ZNF804B: variants seen among roughly 807,000 people sequenced by gnomAD.
ZNF804B encodes zinc finger protein 804B, also known as zinc finger 804B.
ZNF804B carries 80 observed loss-of-function variants against 101.4 expected under a neutral mutation model. That is an observed-to-expected ratio of 0.79 (90% CI 0.66 to 0.95). ZNF804B has a LOEUF of 0.95. ZNF804B is among the 40% of genes least tolerant of loss of function. ZNF804B has a pLI of 0.00. For synonymous variants in ZNF804B, 622 were observed against 558.8 expected, an observed-to-expected ratio of 1.11 and a Z score of -1.59; for missense variants, 1,673 against 1,561.9, an observed-to-expected ratio of 1.07 and a Z score of -1.20.
intron 1 of ZNF804B, among the ~76,000 whole-genome samples, chr7:89,028,795 G>T (rs1039746882): frequency 6.6e-6 from 1 of 152,058 alleles, no homozygotes; most frequent in Non-Finnish European, 1.5e-5. Context: ...ATTTCATAGG[G>T]TTGTTTTGTG....
At position 89,334,525 on chromosome 7, in the gene ZNF804B, C is replaced by T. The variant is rs759187242; in HGVS notation, c.1543C>T (p.Gln515Ter). ...PLELKTKRES[Q>*]VSGLTEDQQK... is the part of the protein sequence containing the mutation. ...GGAATTGAAGACTAAAAGAGAGAGCCAAGTCTCAGGTTTAACTGAAGACCA... is the reference window on the plus strand; with the variant it reads ...GGAATTGAAGACTAAAAGAGAGAGCTAAGTCTCAGGTTTAACTGAAGACCA... Residue 515 changes from glutamine to a stop codon, truncating the protein, a stop_gained, in exon 4 of 4, where the codon CAA becomes TAA. Transcript: ENST00000333190. LOFTEE classifies it high-confidence loss of function. 2 of 1,613,564 alleles carry T rather than the reference C, an allele frequency of 1.2e-6. No individual in the cohort carries two copies. The highest frequency in any genetic ancestry group is 1.1e-5 in the South Asian group (1 of 91,062).
rs118060353 is a variant in ZNF804B at position 89,072,832 on chromosome 7, C to G, written c.109-145323C>G. ...AAATAAGGCTACTGCTTGGGAATTG[C>G]AAATGTGAGCTCATTTTATTTTATC... On this transcript the variant is annotated intron_variant, in intron 1 of 3. Transcript: ENST00000333190. 6.3e-3 allele frequency among the ~76,000 whole-genome samples: 957 copies of G among 152,106 alleles called. 6 individuals carry two copies. The highest frequency in any genetic ancestry group is 8.0e-3 in the Non-Finnish European group (543 of 67,970).
chr7:89,045,744 T>G (rs1189681525), intron 1 of ZNF804B, among the ~76,000 whole-genome samples: 2 of 152,210 alleles, frequency 1.3e-5, no homozygotes, highest in Non-Finnish European at 2.9e-5. Flanking sequence ...CCCCAATGTA[T>G]CTAGGAAGTA....
intron 1 of ZNF804B, among the ~76,000 whole-genome samples, chr7:88,889,845 T>C (rs1022610697): frequency 1.3e-5 from 2 of 152,196 alleles, no homozygotes; most frequent in African/African-American, 2.4e-5. Flanking sequence ...ATAAATTCTT[T>C]CCCAGGGCCA....
At position 89,004,055 on chromosome 7, in the gene ZNF804B, CAA is replaced by C. The variant is rs5885649; in HGVS notation, c.109-214083_109-214082del. On this transcript the variant is annotated intron_variant, in intron 1 of 3. Coordinates refer to ENST00000333190, the MANE Select transcript of ZNF804B (RefSeq NM_181646.5). ...ATGTGAAAATGTGATCCTGAATGAG[CAA>C]AAAAAAAAAAAAAAAAGGGAAATTA... is the stretch of plus-strand genomic sequence containing the variant. Among the ~76,000 whole-genome samples the C allele has an allele frequency of 5.1e-3, 572 of 112,132 alleles. 3 individuals carry two copies. Among genetic ancestry groups the C allele is most frequent in the South Asian group, 8.6e-3 (30 of 3,474 alleles). The allele number at this position is 112,132 out of a possible 152,430, so 73.6% of individuals were successfully genotyped here. A position where few individuals can be genotyped will look rare whatever the true frequency, so the allele number is the denominator to read the frequency against.
chr7:88,900,596 A>C (rs763386292), intron 1 of ZNF804B, among the ~76,000 whole-genome samples: 1 of 148,702 alleles, frequency 6.7e-6, no homozygotes, highest in Non-Finnish European at 1.5e-5. Context: ...ATATTGGGGA[A>C]AAGAGAAAAA....
intron 1 of ZNF804B, among the ~76,000 whole-genome samples, chr7:89,115,085 C>T (rs1328353628): frequency 2.6e-5 from 4 of 151,928 alleles, no homozygotes; most frequent in Admixed American, 2.6e-4. Context: ...GCCCTAACTC[C>T]CTTAAAATGC....
intron 1 of ZNF804B, among the ~76,000 whole-genome samples, chr7:89,008,740 ACTCAGAGCACTG>A (rs1788408593): frequency 6.6e-6 from 1 of 151,892 alleles, no homozygotes; most frequent in Non-Finnish European, 1.5e-5. Context: ...CCCATCTTTC[ACTCAGAGCACTG>A]CTCATAGAAT....
chr7:89,266,843 C>G (rs1392739188), intron 2 of ZNF804B, among the ~76,000 whole-genome samples: 1 of 141,200 alleles, frequency 7.1e-6, no homozygotes, highest in African/African-American at 2.8e-5. Context: ...GAAATGGCTC[C>G]AAAAACTTAG....
chr7:89,004,900 TC>T (rs917293418), intron 1 of ZNF804B, among the ~76,000 whole-genome samples: 1 of 151,980 alleles, frequency 6.6e-6, no homozygotes, highest in Non-Finnish European at 1.5e-5. Flanking sequence ...CTCTGTGTAA[TC>T]ATTAATTCTT....
intron 2 of ZNF804B, among the ~76,000 whole-genome samples, chr7:89,278,053 A>G (rs1486903776): frequency 3.9e-5 from 6 of 152,130 alleles, no homozygotes; most frequent in African/African-American, 9.7e-5. Flanking sequence ...TAACTGGTGT[A>G]AGATGATATC....
At chr7:89,319,979 C>T (rs1450509905) in intron 2 of ZNF804B, among the ~76,000 whole-genome samples, 1 of 147,662 alleles carries the variant, frequency 6.8e-6, no homozygotes, top group Non-Finnish European at 1.5e-5. Context: ...AATTATTTGG[C>T]ACATATAAGT....
intron 1 of ZNF804B, among the ~76,000 whole-genome samples, chr7:89,119,992 A>G (rs1341902948): frequency 2.6e-5 from 4 of 151,716 alleles, no homozygotes; most frequent in African/African-American, 4.9e-5. Flanking sequence ...TGGAGCAGAC[A>G]TAGAGTTACT....
At chr7:88,830,890 A>G (rs73200636) in intron 1 of ZNF804B, among the ~76,000 whole-genome samples, 20,743 of 151,830 alleles carry the variant, frequency 0.14, 1,481 homozygotes, top group African/African-American at 0.19. Flanking sequence ...TTGTTCATGT[A>G]TTTGCCCACT....
At chr7:88,835,037 A>G (rs1284552783) in intron 1 of ZNF804B, among the ~76,000 whole-genome samples, 1 of 151,796 alleles carries the variant, frequency 6.6e-6, no homozygotes, top group Non-Finnish European at 1.5e-5. Flanking sequence ...TACGAACGGA[A>G]CTGTAGTACT....
intron 1 of ZNF804B, among the ~76,000 whole-genome samples, chr7:88,834,339 G>A (rs1012777746): frequency 6.6e-6 from 1 of 151,716 alleles, no homozygotes; most frequent in Non-Finnish European, 1.5e-5. Context: ...TAAAAACCTA[G>A]TATTATGTAT....
chr7:88,864,136 C>T (rs1471500921), intron 1 of ZNF804B, among the ~76,000 whole-genome samples: 1 of 152,140 alleles, frequency 6.6e-6, no homozygotes, highest in Admixed American at 6.5e-5. Context: ...TTTTTCTTAA[C>T]ATGTGGAACA....
chr7:89,130,002 C>T (rs1790523464), intron 1 of ZNF804B, among the ~76,000 whole-genome samples: 2 of 151,952 alleles, frequency 1.3e-5, no homozygotes, highest in African/African-American at 4.8e-5. Context: ...GTGTAGACTT[C>T]TCCTTCACCT....
intron 1 of ZNF804B, among the ~76,000 whole-genome samples, chr7:88,976,432 A>G (rs28778996): frequency 0.14 from 20,709 of 151,304 alleles, 1,816 homozygotes; most frequent in East Asian, 0.29. Flanking sequence ...TCTTGCATCA[A>G]TGTTTTAAAT....
Sources: gnomAD v4.1 joint callset for allele counts (sites outside exome capture counted in the v4.1 genomes callset) on GRCh38, gnomAD v4.1.1 for gene constraint, MANE v1.5 for transcripts, NCBI Gene and HGNC (gene_info 2026-07-23, HGNC 2026-07-21) for gene names.